MRAP2: variants seen among roughly 807,000 people sequenced by gnomAD.
MRAP2 encodes the protein melanocortin-2 receptor accessory protein 2.
In MRAP2, 20 loss-of-function variants were observed where a neutral mutation model predicts 17.4. The observed-to-expected ratio is 1.15, with a 90% CI of 0.81 to 1.67. MRAP2 has a LOEUF of 1.67. Among genes scored for constraint, MRAP2 ranks in the 40% most tolerant of loss-of-function variants. The pLI is 0.00. For missense variants in MRAP2, 238 were observed against 240.0 expected (o/e 0.99, Z 0.05); for synonymous variants, 96 against 88.4 (o/e 1.09, Z -0.48).
chr6:84,051,852 T>TG (rs1374590506), intron 1 of MRAP2, among the ~76,000 whole-genome samples: 1 of 152,000 alleles, frequency 6.6e-6, no homozygotes, highest in Non-Finnish European at 1.5e-5. Context: ...GAAGGGGTGA[T>TG]GGTTTAATGA....
chr6:84,037,804 G>T (rs1379506306), intron 1 of MRAP2, among the ~76,000 whole-genome samples: 1 of 151,938 alleles, frequency 6.6e-6, no homozygotes, highest in Admixed American at 6.6e-5. Context: ...GCCAGCCCGG[G>T]TTCCTGCCCC....
chr6:84,070,289 G>T (rs562095786), intron 3 of MRAP2, among the ~76,000 whole-genome samples: 12 of 152,082 alleles, frequency 7.9e-5, no homozygotes, highest in Non-Finnish European at 1.6e-4. Flanking sequence ...TTGATAGGTT[G>T]TGTCATTATT....
At chr6:84,111,130 A>G in the MRAP2 span, among the ~76,000 whole-genome samples, 960 of 152,194 alleles carry the variant, frequency 6.3e-3, 4 homozygotes, top group African/African-American at 0.022. Context: ...TTTTTTTCCA[A>G]TTCTGTGAAG....
intron 3 of MRAP2, among the ~76,000 whole-genome samples, chr6:84,066,004 A>AACACACACACACACACAC (rs10684117): frequency 2.8e-5 from 4 of 142,416 alleles, no homozygotes; most frequent in African/African-American, 1.0e-4. Flanking sequence ...TCTCTTTATA[A>AACACACACACACACACAC]ACACACACAC....
At chr6:84,087,968 A>G (rs1013442754) in intron 3 of MRAP2, among the ~76,000 whole-genome samples, 2 of 152,118 alleles carry the variant, frequency 1.3e-5, no homozygotes, top group African/African-American at 4.8e-5. Context: ...GTGATATACA[A>G]TCAGGTTTTC....
chr6:84,073,885 TG>T (rs1562886665), intron 3 of MRAP2, among the ~76,000 whole-genome samples: 28 of 133,618 alleles, frequency 2.1e-4, no homozygotes, highest in African/African-American at 8.8e-4. Flanking sequence ...TGTGTGTGTG[TG>T]TGTTTTTTTT....
At chr6:84,088,440 A>G (rs1474308122) in intron 3 of MRAP2, among the ~76,000 whole-genome samples, 2 of 152,186 alleles carry the variant, frequency 1.3e-5, no homozygotes, top group Non-Finnish European at 2.9e-5. Context: ...ATTCCCACTC[A>G]TACCACAAAC....
At chr6:84,033,605 G>A (rs995638424), upstream of MRAP2, 2 of 858,868 alleles carry the variant, frequency 2.3e-6, no homozygotes, top group African/African-American at 3.7e-5. Context: ...GAGCAGGAAA[G>A]GGATCTGCAA....
chr6:84,043,854 A>C (rs2099488292), intron 1 of MRAP2, among the ~76,000 whole-genome samples: 1 of 152,190 alleles, frequency 6.6e-6, no homozygotes, highest in Non-Finnish European at 1.5e-5. Context: ...ATGGACTCAT[A>C]ATAATTTTAC....
the MRAP2 span, among the ~76,000 whole-genome samples, chr6:84,108,996 A>G: frequency 5.3e-5 from 8 of 152,080 alleles, no homozygotes; most frequent in Non-Finnish European, 1.0e-4. Flanking sequence ...GTGTGGTCCT[A>G]TTTCTGGGCT....
chr6:84,041,370 G>A (rs2099487529), intron 1 of MRAP2, among the ~76,000 whole-genome samples: 1 of 152,228 alleles, frequency 6.6e-6, no homozygotes, highest in South Asian at 2.1e-4. Flanking sequence ...GGGCAACGCA[G>A]AAAGGGAATG....
intron 3 of MRAP2, among the ~76,000 whole-genome samples, chr6:84,069,344 G>A (rs761684942): frequency 3.3e-5 from 5 of 152,086 alleles, no homozygotes; most frequent in Non-Finnish European, 7.4e-5. Flanking sequence ...TGCATCTATT[G>A]AGATGATCAT....
chr6:84,095,790 G>A (rs140601650), downstream of MRAP2, among the ~76,000 whole-genome samples: 1,474 of 152,318 alleles, frequency 9.7e-3, 29 homozygotes, highest in African/African-American at 0.033. Flanking sequence ...GATCAGAGGT[G>A]TTGAGTTGGC....
the MRAP2 span, chr6:84,125,217 C>T: frequency 6.2e-7 from 1 of 1,613,618 alleles, no homozygotes; most frequent in South Asian, 1.1e-5. Flanking sequence ...CCAGTCTTTT[C>T]CATTTTTCAA....
intron 2 of MRAP2, chr6:84,061,803 C>T: frequency 1.0e-6 from 1 of 985,324 alleles, no homozygotes; most frequent in Non-Finnish European, 1.2e-6. Flanking sequence ...GTAGCCAGCA[C>T]CTGTGGTGTA....
intron 3 of MRAP2, among the ~76,000 whole-genome samples, chr6:84,064,528 C>A (rs771152493): frequency 6.6e-6 from 1 of 152,104 alleles, no homozygotes. Context: ...TGCTCTGTCA[C>A]CCAGGCTGGA....
chr6:84,089,198 C>A lies in MRAP2; in HGVS notation c.335C>A (p.Ser112Tyr). Residue 112 changes from serine to tyrosine, a missense_variant, in exon 4 of 4, where the codon TCC (serine) becomes TAC (tyrosine). By Grantham distance (144) the Ser-to-Tyr change is moderately radical. Coordinates refer to ENST00000257776, the MANE Select transcript of MRAP2 (RefSeq NM_138409.4). The stretch of plus-strand genomic sequence containing the variant: ...TTTTCTCGCCAAGGCAACGAGGAGT[C>A]CAGGTCTCTCTTTCACTGCTACATC... ...KVFSRQGNEESRSLFHCYINE... is the reference protein window; with the variant it reads ...KVFSRQGNEEYRSLFHCYINE... 2 of 1,614,162 alleles carry A rather than the reference C, an allele frequency of 1.2e-6. No homozygotes were observed. The highest frequency in any genetic ancestry group is 1.7e-6 in the Non-Finnish European group (2 of 1,180,044).
At chr6:84,141,244 C>CTAAAATTGAAAA in the MRAP2 span, among the ~76,000 whole-genome samples, 1 of 137,104 alleles carries the variant, frequency 7.3e-6, no homozygotes, top group Non-Finnish European at 1.5e-5. Context: ...GTTTTTATAT[C>CTAAAATTGAAAA]AAAAAATGAT....
At chr6:84,055,825 C>T (rs1042836262) in intron 2 of MRAP2, among the ~76,000 whole-genome samples, 3 of 152,294 alleles carry the variant, frequency 2.0e-5, no homozygotes, top group African/African-American at 4.8e-5. Context: ...TCTTTTGTAA[C>T]ACAGCAGCAT....
Sources: allele counts gnomAD v4.1 joint callset (sites outside exome capture counted in the v4.1 genomes callset), GRCh38; gene constraint gnomAD v4.1.1; transcripts MANE v1.5; gene names NCBI Gene and HGNC (gene_info 2026-07-23, HGNC 2026-07-21).